Variants in TNRC6C observed in about 807,000 individuals in gnomAD.
TNRC6C encodes the protein trinucleotide repeat-containing gene 6C protein.
In TNRC6C, 20 loss-of-function variants were observed where a neutral mutation model predicts 153.7. The ratio of observed to expected loss-of-function variants is 0.13; its 90% CI spans 0.09 to 0.19. The LOEUF is 0.19. Among genes scored for constraint, TNRC6C ranks in the 10% least tolerant of loss-of-function variants. The probability of loss-of-function intolerance (pLI) is 1.00; values close to 1 mark genes in which losing one functional copy is unlikely to be tolerated. For synonymous variants in TNRC6C, 811 were observed against 841.4 expected (o/e 0.96, Z 0.63); for missense variants, 1,987 against 2,172.0 (o/e 0.91, Z 1.69).
At chr17:78,042,620 G>A (rs2072319562) in intron 2 of TNRC6C, among the ~76,000 whole-genome samples, 1 of 150,476 alleles carries the variant, frequency 6.6e-6, no homozygotes, top group South Asian at 2.1e-4. Context: ...TTCATTTTTG[G>A]AGTAAATCCT....
upstream of TNRC6C, among the ~76,000 whole-genome samples, chr17:77,958,782 G>A (rs1389353734): frequency 2.1e-5 from 3 of 143,422 alleles, no homozygotes; most frequent in African/African-American, 7.9e-5. Context: ...GCCGCCGCCG[G>A]CCCCGCCGCC....
intron 5 of TNRC6C, among the ~76,000 whole-genome samples, chr17:78,069,287 A>C (rs2072944083): frequency 6.6e-6 from 1 of 152,208 alleles, no homozygotes; most frequent in Non-Finnish European, 1.5e-5. Flanking sequence ...GAGAAGGAGC[A>C]CCAGTGGCTC....
chr17:78,071,774 G>T (rs1200791294), intron 6 of TNRC6C, among the ~76,000 whole-genome samples: 1 of 152,202 alleles, frequency 6.6e-6, no homozygotes, highest in Non-Finnish European at 1.5e-5. Context: ...AATTTCATTA[G>T]TGTATAGAGT....
intron 2 of TNRC6C, among the ~76,000 whole-genome samples, chr17:78,038,489 C>T (rs62078555): frequency 0.043 from 6,539 of 151,590 alleles, 211 homozygotes; most frequent in Middle Eastern, 0.065. Flanking sequence ...CTGGCTAACA[C>T]GGTGAAACCC....
chr17:77,957,982 G>A (rs929704222), upstream of TNRC6C, among the ~76,000 whole-genome samples: 2 of 152,202 alleles, frequency 1.3e-5, no homozygotes, highest in African/African-American at 4.8e-5. Flanking sequence ...GTTTCGCAGC[G>A]AGGCTTGTTT....
exon 20 of TNRC6C, chr17:78,105,744 C>T (rs2073683053): frequency 2.0e-5 from 3 of 152,156 alleles, no homozygotes; most frequent in Non-Finnish European, 1.5e-5. Flanking sequence ...CCCTTGTATT[C>T]AGTATACGCT....
At chr17:78,102,155 G>C (rs1007170021) in intron 17 of TNRC6C, among the ~76,000 whole-genome samples, 2 of 152,218 alleles carry the variant, frequency 1.3e-5, no homozygotes, top group Admixed American at 6.5e-5. Context: ...CAGAGGTGGA[G>C]AGCAGAGCTT....
intron 1 of TNRC6C, among the ~76,000 whole-genome samples, chr17:78,028,936 T>C (rs1437379362): frequency 1.3e-5 from 2 of 152,210 alleles, no homozygotes; most frequent in Non-Finnish European, 2.9e-5. Flanking sequence ...TCTTGCACTT[T>C]ACATGTCGGC....
Position 78,075,522 on chromosome 17 carries a change from C to G in TNRC6C, c.3060+244C>G. ...CTGATTTTCATATTTATTGTGTGAA[C>G]TTGGCTGGTTATCTGCTTCAATTTG... On this transcript the variant is annotated intron_variant, in intron 8 of 19. Transcript: ENST00000301624. The surrounding 1 kb of genome is among the most constrained non-coding windows in gnomAD (Gnocchi z 4.2). 1 of 528,742 alleles carries G rather than the reference C, an allele frequency of 1.9e-6. No individual in the cohort carries two copies. 32.8% of individuals were successfully genotyped at this position (528,742 alleles called of 1,614,324 possible).
At chr17:78,002,191 A>G (rs1045625612), upstream of TNRC6C, among the ~76,000 whole-genome samples, 1 of 152,188 alleles carries the variant, frequency 6.6e-6, no homozygotes, top group African/African-American at 2.4e-5. Context: ...CATATCAGAA[A>G]ATAAAGTTTT....
chr17:77,999,798 A>G (rs559443505), upstream of TNRC6C, among the ~76,000 whole-genome samples: 7 of 152,314 alleles, frequency 4.6e-5, no homozygotes, highest in South Asian at 6.2e-4. Flanking sequence ...CGTTCCTTGC[A>G]GCAGTAGGAT....
intron 1 of TNRC6C, among the ~76,000 whole-genome samples, chr17:77,988,041 T>G (rs1468296329): frequency 6.6e-6 from 1 of 152,068 alleles, no homozygotes; most frequent in Non-Finnish European, 1.5e-5. Flanking sequence ...CCAGCAGTAC[T>G]GTGCCAATTA....
intron 2 of TNRC6C, among the ~76,000 whole-genome samples, chr17:78,043,708 T>C (rs1002265587): frequency 3.3e-5 from 5 of 152,152 alleles, no homozygotes; most frequent in Admixed American, 3.3e-4. Context: ...CATTAACCCT[T>C]CTCCACTTCT....
chr17:78,040,761 T>A (rs1379641279), intron 2 of TNRC6C, among the ~76,000 whole-genome samples: 1 of 152,198 alleles, frequency 6.6e-6, no homozygotes, highest in Non-Finnish European at 1.5e-5. Flanking sequence ...CGAAAGAATT[T>A]AAAGAGGAAG....
chr17:78,084,872 T>G (rs1228949944), intron 11 of TNRC6C, among the ~76,000 whole-genome samples: 1 of 152,140 alleles, frequency 6.6e-6, no homozygotes, highest in East Asian at 1.9e-4. Context: ...CCTCAGGTGA[T>G]CCTCCCGCCT....
chr17:78,083,257 C>G, intron 11 of TNRC6C, 91 bp downstream of exon 13: 1 of 1,546,900 alleles, frequency 6.5e-7, no homozygotes, highest in Non-Finnish European at 8.8e-7. Context: ...TAATGTTTGT[C>G]TTCACGTCAG....
At chr17:78,072,193 G>GT (rs1274088339) in intron 6 of TNRC6C, among the ~76,000 whole-genome samples, 1 of 152,242 alleles carries the variant, frequency 6.6e-6, no homozygotes, top group Non-Finnish European at 1.5e-5. Context: ...CTCTGCCTGT[G>GT]TGAGTGGGCA....
chr17:78,054,187 G>T (rs900216345), intron 3 of TNRC6C, among the ~76,000 whole-genome samples: 1 of 152,128 alleles, frequency 6.6e-6, no homozygotes, highest in East Asian at 1.9e-4. Context: ...ATTTAAAATG[G>T]TGCACCTGTA....
At chr17:78,099,226 C>A (rs1475637291) in intron 17 of TNRC6C, among the ~76,000 whole-genome samples, 2 of 152,322 alleles carry the variant, frequency 1.3e-5, no homozygotes, top group South Asian at 4.1e-4. Context: ...GAGGATGGCT[C>A]AAGCCCAGGA....
Sources: gnomAD v4.1 joint callset for allele counts (sites outside exome capture counted in the v4.1 genomes callset) on GRCh38, gnomAD v4.1.1 for gene constraint, Gnocchi (gnomAD v3.1) non-coding constraint, MANE v1.5 for transcripts, NCBI Gene and HGNC (gene_info 2026-07-23, HGNC 2026-07-21) for gene names.